SORBS2: variants seen among roughly 807,000 people sequenced by gnomAD.
SORBS2 encodes sorbin and SH3 domain-containing protein 2.
SORBS2 carries 46 observed loss-of-function variants against 97.7 expected under a neutral mutation model. The ratio of observed to expected loss-of-function variants is 0.47; its 90% CI spans 0.37 to 0.60. SORBS2 has a LOEUF of 0.60. SORBS2 is among the 20% of genes least tolerant of loss of function. The pLI is 0.00. For synonymous variants in SORBS2, 476 were observed against 473.4 expected, an observed-to-expected ratio of 1.01 and a Z score of -0.07; for missense variants, 1,316 against 1,282.3, an observed-to-expected ratio of 1.03 and a Z score of -0.40.
At chr4:185,723,336 T>A (rs751304460) in intron 2 of SORBS2, among the ~76,000 whole-genome samples, 2 of 152,194 alleles carry the variant, frequency 1.3e-5, no homozygotes, top group Non-Finnish European at 1.5e-5. Flanking sequence ...AACAGTTTTA[T>A]GTCTTTGGAG....
chr4:185,601,574 T>C (rs182781176), intron 12 of SORBS2, among the ~76,000 whole-genome samples: 2 of 152,184 alleles, frequency 1.3e-5, no homozygotes, highest in Non-Finnish European at 2.9e-5. Flanking sequence ...CCTTCATTTA[T>C]GTGTAAGAGC....
At chr4:185,860,002 A>G (rs1381768501) in intron 1 of SORBS2, among the ~76,000 whole-genome samples, 4 of 152,224 alleles carry the variant, frequency 2.6e-5, no homozygotes, top group Non-Finnish European at 4.4e-5. Flanking sequence ...TTTATTATTA[A>G]CATATTTTTC....
At chr4:185,908,392 C>T (rs1482750956) in intron 1 of SORBS2, among the ~76,000 whole-genome samples, 3 of 130,234 alleles carry the variant, frequency 2.3e-5, no homozygotes, top group African/African-American at 3.5e-5. Context: ...AATGGCCACT[C>T]GAGGTATAGA....
chr4:185,725,671 T>A (rs6552917), intron 2 of SORBS2, among the ~76,000 whole-genome samples: 115,631 of 152,038 alleles, frequency 0.76, 45,357 homozygotes, highest in East Asian at 0.88. Context: ...TAATATGGCT[T>A]CTAATTTCAG....
intron 2 of SORBS2, among the ~76,000 whole-genome samples, chr4:185,717,051 A>G (rs1407416850): frequency 1.3e-5 from 2 of 152,204 alleles, no homozygotes; most frequent in Non-Finnish European, 2.9e-5. Flanking sequence ...CGAGCTTAGG[A>G]CACTTTAGTG....
At chr4:185,816,668 G>T (rs996472480) in intron 1 of SORBS2, among the ~76,000 whole-genome samples, 9 of 152,164 alleles carry the variant, frequency 5.9e-5, no homozygotes, top group Admixed American at 1.3e-4. Flanking sequence ...ATCCCCTGAA[G>T]AAGTATGACC....
intron 1 of SORBS2, among the ~76,000 whole-genome samples, chr4:185,889,480 G>A (rs1287453163): frequency 6.6e-6 from 1 of 151,406 alleles, no homozygotes; most frequent in African/African-American, 2.4e-5. Flanking sequence ...TCATAGTTAT[G>A]AAGTCCAGTT....
At chr4:185,630,918 C>T (rs1392516228) in intron 4 of SORBS2, among the ~76,000 whole-genome samples, 1 of 152,182 alleles carries the variant, frequency 6.6e-6, no homozygotes, top group African/African-American at 2.4e-5. Context: ...AGTTATCCTA[C>T]AGCCTGAACT....
intron 1 of SORBS2, among the ~76,000 whole-genome samples, chr4:185,807,479 T>A (rs540066423): frequency 6.6e-6 from 1 of 152,324 alleles, no homozygotes; most frequent in Non-Finnish European, 1.5e-5. Flanking sequence ...GGTAAACTAG[T>A]ATATTTCCGT....
chr4:185,837,467 C>A, intron 1 of SORBS2, among the ~76,000 whole-genome samples: 1 of 152,200 alleles, frequency 6.6e-6, no homozygotes, highest in Non-Finnish European at 1.5e-5. Flanking sequence ...ATTTCAAAAA[C>A]CCCAGGTGAA....
At chr4:185,735,442 C>T (rs538338685) in intron 2 of SORBS2, among the ~76,000 whole-genome samples, 13 of 148,064 alleles carry the variant, frequency 8.8e-5, no homozygotes, top group African/African-American at 3.2e-4. Flanking sequence ...GGTAGGAAAG[C>T]TTTTTTTTCT....
intron 4 of SORBS2, among the ~76,000 whole-genome samples, chr4:185,643,970 G>A (rs1305357692): frequency 1.3e-5 from 2 of 151,992 alleles, no homozygotes; most frequent in African/African-American, 2.4e-5. Context: ...ATCAGTACGC[G>A]GCCAGTCTCT....
At chr4:185,892,177 G>A (rs188210001) in intron 1 of SORBS2, among the ~76,000 whole-genome samples, 1 of 152,236 alleles carries the variant, frequency 6.6e-6, no homozygotes, top group Admixed American at 6.5e-5. Flanking sequence ...AAATCTTTGA[G>A]CATCAAAGTA....
exon 11 of SORBS2, chr4:185,614,904 G>A (rs766579199): frequency 6.2e-7 from 1 of 1,614,008 alleles, no homozygotes; most frequent in African/African-American, 1.3e-5. Flanking sequence ...GATTTCTCCG[G>A]GCTGGGCTGG....
intron 1 of SORBS2, among the ~76,000 whole-genome samples, chr4:185,948,762 C>T (rs2099275785): frequency 1.3e-5 from 2 of 151,976 alleles, no homozygotes; most frequent in Non-Finnish European, 2.9e-5. Context: ...AGGTGATCCA[C>T]CCGCCTCGGC....
At chr4:185,727,418 G>A (rs1178756887) in intron 2 of SORBS2, among the ~76,000 whole-genome samples, 1 of 152,138 alleles carries the variant, frequency 6.6e-6, no homozygotes, top group East Asian at 1.9e-4. Flanking sequence ...TTTGGTAATT[G>A]ACTTTTTAAC....
intron 2 of SORBS2, among the ~76,000 whole-genome samples, chr4:185,737,015 C>T (rs933056255): frequency 1.1e-4 from 17 of 152,314 alleles, no homozygotes; most frequent in African/African-American, 3.9e-4. Flanking sequence ...TTCCGGGTTG[C>T]TCTTAGCAAC....
intron 13 of SORBS2, among the ~76,000 whole-genome samples, chr4:185,591,515 T>C (rs1403134480): frequency 6.6e-6 from 1 of 152,190 alleles, no homozygotes; most frequent in African/African-American, 2.4e-5. Context: ...ATTTATTTTG[T>C]TGCTTGTGTA....
intron 1 of SORBS2, among the ~76,000 whole-genome samples, chr4:185,930,648 T>C (rs2099265983): frequency 1.3e-5 from 2 of 152,302 alleles, no homozygotes; most frequent in East Asian, 3.9e-4. Flanking sequence ...GCTCTCTCTG[T>C]TTTGATAAGA....
Sources: gnomAD v4.1 joint callset for allele counts (sites outside exome capture counted in the v4.1 genomes callset) on GRCh38, gnomAD v4.1.1 for gene constraint, MANE v1.5 for transcripts, NCBI Gene and HGNC (gene_info 2026-07-23, HGNC 2026-07-21) for gene names.